Variants in ADCY8 observed in about 807,000 individuals in gnomAD.
ADCY8 encodes adenylate cyclase type 8.
In ADCY8, 51 loss-of-function variants were observed where a neutral mutation model predicts 119.7. The ratio of observed to expected loss-of-function variants is 0.43; its 90% CI spans 0.34 to 0.54. The LOEUF (loss-of-function observed/expected upper bound fraction) is 0.54. ADCY8 is among the 20% of genes least tolerant of loss of function. The probability of loss-of-function intolerance (pLI) is 0.03; values close to 1 mark genes in which losing one functional copy is unlikely to be tolerated. For synonymous variants in ADCY8, 665 were observed against 651.0 expected (o/e 1.02, Z -0.33); for missense variants, 1,383 against 1,598.8 (o/e 0.87, Z 2.30).
chr8:130,931,577 G>T (rs1030307859), intron 5 of ADCY8, among the ~76,000 whole-genome samples: 1 of 152,002 alleles, frequency 6.6e-6, no homozygotes, highest in South Asian at 2.1e-4. Flanking sequence ...CCCATGACTT[G>T]AATATTTGCT....
At chr8:130,953,848 C>T (rs1482311908) in intron 2 of ADCY8, among the ~76,000 whole-genome samples, 1 of 152,138 alleles carries the variant, frequency 6.6e-6, no homozygotes, top group Non-Finnish European at 1.5e-5. Flanking sequence ...ATGATGAAGC[C>T]CTTTCTTCTC....
Position 131,009,699 on chromosome 8 carries a change from T to C in ADCY8, c.961-19157A>G, listed in dbSNP as rs552482558. Among the ~76,000 whole-genome samples the C allele has an allele frequency of 2.0e-5, 3 of 152,354 alleles. No individual in the cohort carries two copies. The East Asian group carries it at 5.8e-4, about 29-fold the overall frequency. Reference sequence around the variant, plus strand: ...TAACTATACTATGCTGTAAAGATAATGCATTAGAGTAGAATCTGTAGATGG... The same window carrying C: ...TAACTATACTATGCTGTAAAGATAACGCATTAGAGTAGAATCTGTAGATGG... On this transcript the variant is annotated intron_variant, in intron 1 of 17. Coordinates refer to ENST00000286355, the MANE Select transcript of ADCY8 (RefSeq NM_001115.3).
chr8:130,901,242 CTTTTTT>C (rs34424673), intron 7 of ADCY8, among the ~76,000 whole-genome samples: 2 of 115,582 alleles, frequency 1.7e-5, no homozygotes, highest in African/African-American at 3.3e-5. Flanking sequence ...CATCCCTCCT[CTTTTTT>C]TTTTTTTTTT....
rs115793482 is a variant in ADCY8 at position 131,034,415 on chromosome 8, A to G, written c.960+4959T>C. Among the ~76,000 whole-genome samples, 613 of 152,192 alleles carry G rather than the reference A, an allele frequency of 4.0e-3. 3 individuals are homozygous for G. Among genetic ancestry groups the G allele is most frequent in the African/African-American group, 0.012 (519 of 41,544 alleles). The stretch of plus-strand genomic sequence containing the variant: ...AAAGTCAGCTCCCCTCCTGAACCCA[A>G]CTTACTCATACTATACACCACTATC... On this transcript the variant is annotated intron_variant, in intron 1 of 17. Transcript: ENST00000286355.
At chr8:130,929,479 C>A (rs755251200) in intron 5 of ADCY8, among the ~76,000 whole-genome samples, 5 of 151,918 alleles carry the variant, frequency 3.3e-5, no homozygotes, top group Non-Finnish European at 7.4e-5. Context: ...TAGTGTTATA[C>A]CCTTGTGGTC....
intron 7 of ADCY8, among the ~76,000 whole-genome samples, chr8:130,888,827 A>G (rs1819082314): frequency 6.6e-6 from 1 of 152,066 alleles, no homozygotes; most frequent in South Asian, 2.1e-4. Context: ...TCCCAGTAAA[A>G]TCCTACTTTT....
chr8:130,879,679 G>T (rs1818696373), intron 8 of ADCY8, among the ~76,000 whole-genome samples: 1 of 152,106 alleles, frequency 6.6e-6, no homozygotes, highest in African/African-American at 2.4e-5. Context: ...TTATAATAGT[G>T]AAAAACTTTT....
At chr8:130,791,985 A>T (rs1815439161) in intron 15 of ADCY8, among the ~76,000 whole-genome samples, 1 of 152,158 alleles carries the variant, frequency 6.6e-6, no homozygotes, top group Non-Finnish European at 1.5e-5. Context: ...ACAACTTCTG[A>T]AAAGAGTTGT....
At chr8:130,867,154 C>G (rs925273748) in intron 9 of ADCY8, among the ~76,000 whole-genome samples, 2 of 152,124 alleles carry the variant, frequency 1.3e-5, no homozygotes, top group Non-Finnish European at 2.9e-5. Context: ...AAAAGCATAG[C>G]TATTGGACTA....
At chr8:130,897,890 C>T (rs977459971) in intron 7 of ADCY8, among the ~76,000 whole-genome samples, 8 of 151,206 alleles carry the variant, frequency 5.3e-5, no homozygotes, top group African/African-American at 1.2e-4. Flanking sequence ...ACATACATAC[C>T]GTACACACAT....
At chr8:130,872,378 T>C (rs1011212217) in intron 8 of ADCY8, among the ~76,000 whole-genome samples, 26 of 152,172 alleles carry the variant, frequency 1.7e-4, no homozygotes, top group African/African-American at 6.3e-4. Flanking sequence ...AGATTGCAAA[T>C]AGAGAATCCA....
At chr8:130,810,251 G>C (rs1377163640) in intron 14 of ADCY8, among the ~76,000 whole-genome samples, 1 of 152,084 alleles carries the variant, frequency 6.6e-6, no homozygotes. Flanking sequence ...TACGGTAACA[G>C]AGAATGAAAC....
At position 130,842,378 on chromosome 8, in the gene ADCY8, T is replaced by C. The variant is rs571461738; in HGVS notation, c.2502+5046A>G. 1.4e-3 allele frequency among the ~76,000 whole-genome samples: 215 copies of C among 152,294 alleles called. 1 individual carries two copies. The Middle Eastern group carries it at 0.02, about 14-fold the overall frequency. ...GCTTTTCAATCTCCTCATCTTTCTC[T>C]TAGTCTTTCTTTTAGGTTAGCAGCT... On this transcript the variant is annotated intron_variant, in intron 11 of 17. Transcript: ENST00000286355.
intron 6 of ADCY8, among the ~76,000 whole-genome samples, chr8:130,905,422 C>T (rs1563722839): frequency 6.6e-6 from 1 of 152,216 alleles, no homozygotes; most frequent in East Asian, 1.9e-4. Context: ...TTGGTGCTTA[C>T]TAACAATTTC....
chr8:130,936,273 A>G (rs1260553888), intron 5 of ADCY8, among the ~76,000 whole-genome samples: 3 of 152,066 alleles, frequency 2.0e-5, no homozygotes, highest in Admixed American at 1.3e-4. Flanking sequence ...CTCAACCCCA[A>G]TAATTCCTTC....
chr8:130,936,485 C>G (rs2130622918), intron 5 of ADCY8, among the ~76,000 whole-genome samples: 1 of 152,256 alleles, frequency 6.6e-6, no homozygotes, highest in Middle Eastern at 3.4e-3. Flanking sequence ...ACTACTCTTT[C>G]CACCCCAGGC....
chr8:130,831,285 C>T (rs897871470), intron 12 of ADCY8, among the ~76,000 whole-genome samples: 15 of 152,186 alleles, frequency 9.9e-5, no homozygotes, highest in African/African-American at 3.6e-4. Flanking sequence ...AATTGGACAC[C>T]TTGCCAGATA....
chr8:130,898,593 G>A (rs1563719350), intron 7 of ADCY8, among the ~76,000 whole-genome samples: 1 of 152,172 alleles, frequency 6.6e-6, no homozygotes, highest in South Asian at 2.1e-4. Context: ...ACAGAAACAT[G>A]CCTGGATTCT....
chr8:131,018,209 G>C (rs71524505), intron 1 of ADCY8, among the ~76,000 whole-genome samples: 3,704 of 152,246 alleles, frequency 0.024, 49 homozygotes, highest in East Asian at 0.057. Flanking sequence ...AAAGCTCAAA[G>C]AGAACCCTCA....
Sources: allele counts gnomAD v4.1 joint callset (sites outside exome capture counted in the v4.1 genomes callset), GRCh38; gene constraint gnomAD v4.1.1; transcripts MANE v1.5; gene names NCBI Gene and HGNC (gene_info 2026-07-23, HGNC 2026-07-21).